Variants in CLEC16A observed in about 807,000 individuals in gnomAD.
CLEC16A encodes the protein C-type lectin domain containing 16A.
Under a neutral mutation model 109.5 loss-of-function variants are expected in CLEC16A, and 51 were observed. The ratio of observed to expected loss-of-function variants is 0.47; its 90% CI spans 0.37 to 0.59. The LOEUF (loss-of-function observed/expected upper bound fraction) is 0.59, where lower values mean the gene tolerates loss of function less well. Among genes scored for constraint, CLEC16A ranks in the 20% least tolerant of loss-of-function variants. The pLI, the probability that CLEC16A is intolerant of heterozygous loss-of-function variation, is 0.00. For missense variants in CLEC16A, 1,339 were observed against 1,394.0 expected, an observed-to-expected ratio of 0.96 and a Z score of 0.63; for synonymous variants, 673 against 564.2, an observed-to-expected ratio of 1.19 and a Z score of -2.73.
chr16:11,105,502 G>A (rs998738830), intron 19 of CLEC16A, among the ~76,000 whole-genome samples: 9 of 152,178 alleles, frequency 5.9e-5, no homozygotes, highest in Non-Finnish European at 1.3e-4. Flanking sequence ...AATTTGACAC[G>A]GGGGAAAGAT....
At chr16:10,984,649 A>G (rs1596883527) in intron 10 of CLEC16A, among the ~76,000 whole-genome samples, 2 of 152,228 alleles carry the variant, frequency 1.3e-5, no homozygotes, top group African/African-American at 4.8e-5. Flanking sequence ...GGTCCATCTC[A>G]TGACAACACA....
At position 11,071,286 on chromosome 16, in the gene CLEC16A, T is replaced by G. The variant is rs2049056026; in HGVS notation, c.2116+10264T>G. 2.6e-5 allele frequency among the ~76,000 whole-genome samples: 4 copies of G among 152,164 alleles called. No homozygotes were observed. The South Asian group carries it at 8.3e-4, about 31-fold the overall frequency. On this transcript the variant is annotated intron_variant, in intron 19 of 23. Coordinates refer to ENST00000409790, the MANE Select transcript of CLEC16A (RefSeq NM_015226.3). ...GATGACCCAGGCATTGTCATGTGCC[T>G]CTCATCCTAGTGAAAATGAGTGGCA...
At chr16:11,002,932 G>A (rs1000302180) in intron 10 of CLEC16A, 142 bp from the exon 11 acceptor site, 5 of 650,466 alleles carry the variant, frequency 7.7e-6, no homozygotes, top group Non-Finnish European at 1.3e-5. Context: ...CCCGCAGTAA[G>A]CATGCGAGTG....
rs139651990 is a variant in CLEC16A at position 10,971,433 on chromosome 16, C to T, written c.598+203C>T. On this transcript the variant is annotated intron_variant, in intron 5 of 23. Transcript: ENST00000409790. ...AAATCCTTGCCTTCTCCAGGCATGT[C>T]GAAGTCTTGCTCATGCTGCTACATA... The T allele has an allele frequency of 1.5e-4, 80 of 530,652 alleles. 1 individual carries two copies. Among genetic ancestry groups the T allele is most frequent in the African/African-American group, 1.4e-3 (67 of 48,488 alleles). The allele number at this position is 530,652 out of a possible 1,614,324, so 32.9% of individuals were successfully genotyped here.
chr16:11,011,267 C>G (rs887760455), intron 11 of CLEC16A, among the ~76,000 whole-genome samples: 1 of 152,216 alleles, frequency 6.6e-6, no homozygotes, highest in Non-Finnish European at 1.5e-5. Flanking sequence ...CCACGTTCAA[C>G]ATTCTCTCTG....
At position 10,982,936 on chromosome 16, in the gene CLEC16A, A is replaced by G; in HGVS notation, c.1016A>G (p.Asn339Ser). Residue 339 changes from asparagine to serine, a missense_variant, in exon 10 of 24, where the codon AAT becomes AGT. This residue lies in a region of CLEC16A where 1,061 missense variants were observed against 1,006.8 expected (regional missense o/e 1.05). Coordinates refer to ENST00000409790, the MANE Select transcript of CLEC16A (RefSeq NM_015226.3). ...AACTCGTTAGCTGAAGTCATTCTGAATGGTGATCTGTCTGAGATGTACGCT... is the reference window on the plus strand; with the variant it reads ...AACTCGTTAGCTGAAGTCATTCTGAGTGGTGATCTGTCTGAGATGTACGCT... ...LVNSLAEVIL[N>S]GDLSEMYAKT... 1 of 1,613,392 alleles carries G rather than the reference A, an allele frequency of 6.2e-7. No individual in the cohort carries two copies. The highest frequency in any genetic ancestry group is 8.5e-7 in the Non-Finnish European group (1 of 1,179,326).
At chr16:11,087,846 C>T (rs2050093651) in intron 19 of CLEC16A, among the ~76,000 whole-genome samples, 1 of 152,224 alleles carries the variant, frequency 6.6e-6, no homozygotes, top group Non-Finnish European at 1.5e-5. Context: ...TGTGCTGCTT[C>T]CACACAAGGT....
At chr16:11,030,210 G>C (rs186356578) in intron 13 of CLEC16A, among the ~76,000 whole-genome samples, 2 of 152,326 alleles carry the variant, frequency 1.3e-5, no homozygotes, top group East Asian at 3.9e-4. Context: ...TACAATGTAT[G>C]CCCATACAGA....
intron 19 of CLEC16A, among the ~76,000 whole-genome samples, chr16:11,107,691 C>T (rs2051306142): frequency 6.6e-6 from 1 of 152,212 alleles, no homozygotes; most frequent in African/African-American, 2.4e-5. Context: ...TTTACCAGGG[C>T]CCAGTTCCTT....
At chr16:11,010,766 G>A (rs559330708) in intron 11 of CLEC16A, among the ~76,000 whole-genome samples, 1 of 152,198 alleles carries the variant, frequency 6.6e-6, no homozygotes, top group Non-Finnish European at 1.5e-5. Context: ...CCAGAGGCGG[G>A]TGGTGCCTTC....
chr16:11,175,389 T>TCC (rs2068705979), intron 23 of CLEC16A, among the ~76,000 whole-genome samples: 1 of 152,228 alleles, frequency 6.6e-6, no homozygotes, highest in African/African-American at 2.4e-5. Context: ...ATCCCTCATT[T>TCC]CCTGAGCCTG....
At chr16:11,035,776 CTG>C (rs1283830333) in intron 13 of CLEC16A, among the ~76,000 whole-genome samples, 3 of 152,226 alleles carry the variant, frequency 2.0e-5, no homozygotes, top group East Asian at 3.8e-4. Context: ...CAAAGACACT[CTG>C]TCCTTCCCCA....
intron 19 of CLEC16A, among the ~76,000 whole-genome samples, chr16:11,080,337 G>A (rs2049632538): frequency 6.6e-6 from 1 of 152,216 alleles, no homozygotes; most frequent in Admixed American, 6.5e-5. Context: ...CCTTGCTGGG[G>A]GTGGGTGGGT....
intron 13 of CLEC16A, among the ~76,000 whole-genome samples, chr16:11,031,766 G>A (rs2046754844): frequency 6.6e-6 from 1 of 152,176 alleles, no homozygotes; most frequent in African/African-American, 2.4e-5. Flanking sequence ...GTGCAACAGT[G>A]AAAATAAAAC....
intron 20 of CLEC16A, among the ~76,000 whole-genome samples, 183 bp from the exon 21 acceptor site, chr16:11,123,559 C>A (rs188717876): frequency 8.5e-5 from 13 of 152,324 alleles, no homozygotes; most frequent in African/African-American, 3.1e-4. Flanking sequence ...TGTCCTCTCC[C>A]ACTGGGCCTG....
chr16:10,995,927 G>A (rs2044300427), intron 10 of CLEC16A, among the ~76,000 whole-genome samples: 1 of 152,214 alleles, frequency 6.6e-6, no homozygotes, highest in African/African-American at 2.4e-5. Context: ...GCCTGGAAGG[G>A]TCTTCTTAGC....
chr16:10,989,777 C>T (rs1436206894), intron 10 of CLEC16A, among the ~76,000 whole-genome samples: 1 of 152,182 alleles, frequency 6.6e-6, no homozygotes, highest in Non-Finnish European at 1.5e-5. Flanking sequence ...GTGTGTGGAG[C>T]CAGTGGCTAG....
At chr16:11,027,048 A>C in intron 13 of CLEC16A, 1 of 1,562,308 alleles carries the variant, frequency 6.4e-7, no homozygotes, top group South Asian at 1.1e-5. Context: ...GCAAAGAAAA[A>C]TCCCTTTGGT....
chr16:11,123,683 C>T (rs1201529549), intron 20 of CLEC16A, 59 bp from the exon 21 acceptor site: 2 of 1,549,418 alleles, frequency 1.3e-6, no homozygotes, highest in Non-Finnish European at 1.8e-6. Flanking sequence ...TGCCACAGCT[C>T]CTAGCCACCC....
Sources: allele counts gnomAD v4.1 joint callset (sites outside exome capture counted in the v4.1 genomes callset), GRCh38; gene constraint gnomAD v4.1.1; regional missense constraint gnomAD v4.1.1; transcripts MANE v1.5; gene names NCBI Gene and HGNC (gene_info 2026-07-23, HGNC 2026-07-21).